The following AFF3 variants were observed in gnomAD, a reference collection of about 807,000 sequenced individuals.
AFF3 encodes the protein AF4/FMR2 family member 3.
A neutral mutation model predicts 129.7 loss-of-function variants in AFF3; 32 were observed. That is an observed-to-expected ratio of 0.25 (90% CI 0.19 to 0.33). The LOEUF (loss-of-function observed/expected upper bound fraction) is 0.33, where lower values mean the gene tolerates loss of function less well. Among genes scored for constraint, AFF3 ranks in the 10% least tolerant of loss-of-function variants. The pLI is 1.00. For synonymous variants in AFF3, 644 were observed against 635.4 expected (o/e 1.01, Z -0.20); for missense variants, 1,373 against 1,592.0 (o/e 0.86, Z 2.34).
chr2:100,008,834 G>A lies in AFF3; in HGVS notation c.152C>T (p.Ser51Phe). 6.2e-7 allele frequency: 1 copy of A among 1,614,046 alleles called. No homozygotes were observed. Among genetic ancestry groups the A allele is most frequent in the Non-Finnish European group, 8.5e-7 (1 of 1,179,952 alleles). The change falls in exon 5 of 25, where the codon TCT becomes TTT. Residue 51 changes from serine to phenylalanine, a missense_variant. By Grantham distance (155) the Ser-to-Phe change is radical. Around this residue, in one of 9 missense-constraint regions of AFF3, gnomAD observed 255 missense variants for 256.0 expected, o/e 1.00. Transcript: ENST00000672756. ...TACCTTGTAGGGCTCACTGAAGAGA[G>A]AGTAACTAGAATTAAACGTGCCATC... is the stretch of plus-strand genomic sequence containing the variant. Reference protein sequence around the residue: ...QDDGTFNSSYSLFSEPYKTNK... With the variant: ...QDDGTFNSSYFLFSEPYKTNK...
intron 14 of AFF3, among the ~76,000 whole-genome samples, chr2:99,599,190 T>C (rs575031227): frequency 6.6e-6 from 1 of 152,358 alleles, no homozygotes; most frequent in South Asian, 2.1e-4. Flanking sequence ...TTCAAGTCTT[T>C]GTAATTATCT....
rs1382648459 is a variant in AFF3 at position 99,936,096 on chromosome 2, C to G, written c.873+70536G>C. ...TATTCTAAAATCAGAAGAGGAAGAT[C>G]ACCCATACTAACTGGCTAATCTAAC... On this transcript the variant is annotated intron_variant, in intron 7 of 24. Transcript: ENST00000672756. Among the ~76,000 whole-genome samples, 4 of 152,128 alleles carry G rather than the reference C, an allele frequency of 2.6e-5. No individual in the cohort carries two copies. In the East Asian group the frequency reaches 7.7e-4, roughly 29 times the overall value.
At chr2:99,568,041 C>T (rs967707250) in intron 19 of AFF3, among the ~76,000 whole-genome samples, 3 of 152,110 alleles carry the variant, frequency 2.0e-5, no homozygotes, top group South Asian at 2.1e-4. Flanking sequence ...GTGGTCTTCA[C>T]GTAAATAAGT....
At chr2:99,756,493 G>A (rs1391249743) in intron 8 of AFF3, among the ~76,000 whole-genome samples, 1 of 152,172 alleles carries the variant, frequency 6.6e-6, no homozygotes, top group Non-Finnish European at 1.5e-5. Context: ...CCTTCCTTCT[G>A]GTCTGACTGG....
intron 7 of AFF3, among the ~76,000 whole-genome samples, chr2:99,857,613 A>C (rs1322935293): frequency 1.3e-5 from 2 of 152,194 alleles, no homozygotes; most frequent in Non-Finnish European, 2.9e-5. Context: ...GTAACATTGG[A>C]GCTCATACAC....
rs199603572 is a variant in AFF3 at position 99,547,146 on chromosome 2, T to TG, written c.*4327dup. On this transcript the variant is annotated 3_prime_UTR_variant, in exon 25 of 25. Transcript: ENST00000672756. ...AAGATTGCTTTTCGAGATTATAAAC[T>TG]GGGAGCCAGAACAACTGACTTGAAC... 5.4e-3 allele frequency: 1,192 copies of TG among 218,870 alleles called. 43 individuals carry two copies. In the East Asian group the frequency reaches 0.077, roughly 14 times the overall value. The allele number at this position is 218,870 out of a possible 1,614,324, so 13.6% of individuals were successfully genotyped here. A position where few individuals can be genotyped will look rare whatever the true frequency, so the allele number is the denominator to read the frequency against.
intron 7 of AFF3, among the ~76,000 whole-genome samples, chr2:99,881,474 T>C (rs1287041021): frequency 6.6e-6 from 1 of 152,194 alleles, no homozygotes; most frequent in African/African-American, 2.4e-5. Flanking sequence ...GTTTCATTTT[T>C]TCATTGAAAA....
At chr2:99,611,720 C>G (rs1680944082) in intron 13 of AFF3, among the ~76,000 whole-genome samples, 1 of 152,056 alleles carries the variant, frequency 6.6e-6, no homozygotes, top group African/African-American at 2.4e-5. Context: ...AACCCCATCT[C>G]TACTAAAAAT....
At chr2:99,804,246 C>T (rs1686172897) in intron 8 of AFF3, among the ~76,000 whole-genome samples, 1 of 151,892 alleles carries the variant, frequency 6.6e-6, no homozygotes, top group Non-Finnish European at 1.5e-5. Context: ...GCAAGAAAAA[C>T]CAAATAATCC....
intron 4 of AFF3, among the ~76,000 whole-genome samples, chr2:100,051,923 T>C (rs1686369195): frequency 2.0e-5 from 3 of 152,206 alleles, no homozygotes. Context: ...ACCTAAGTAA[T>C]GGACCCTTAA....
At chr2:100,029,077 T>C (rs1035139586) in intron 4 of AFF3, among the ~76,000 whole-genome samples, 2 of 152,194 alleles carry the variant, frequency 1.3e-5, no homozygotes, top group African/African-American at 4.8e-5. Context: ...TGGAATATTA[T>C]TCAACCTTAA....
Position 100,058,332 on chromosome 2 carries a change from C to T in AFF3, c.53+46070G>A, listed in dbSNP as rs1035534411. Reference sequence around the variant, plus strand: ...AAGCTCTTTCAGACATACCATGCTACGTGTATTTTTTTACTGAAGGTGCTC... The same window carrying T: ...AAGCTCTTTCAGACATACCATGCTATGTGTATTTTTTTACTGAAGGTGCTC... On this transcript the variant is annotated intron_variant, in intron 4 of 24. Coordinates refer to ENST00000672756, the MANE Select transcript of AFF3 (RefSeq NM_001386135.1). Among the ~76,000 whole-genome samples the T allele has an allele frequency of 5.9e-5, 9 of 152,088 alleles. 1 individual carries two copies. Among genetic ancestry groups the T allele is most frequent in the South Asian group, 2.1e-4 (1 of 4,820 alleles).
intron 13 of AFF3, among the ~76,000 whole-genome samples, chr2:99,627,345 T>C (rs1484855681): frequency 1.3e-5 from 2 of 152,232 alleles, no homozygotes; most frequent in Admixed American, 1.3e-4. Context: ...GAGCTTTTTT[T>C]CATATGCTTG....
intron 8 of AFF3, among the ~76,000 whole-genome samples, chr2:99,784,677 ATT>A (rs1432743870): frequency 6.6e-6 from 1 of 152,222 alleles, no homozygotes; most frequent in African/African-American, 2.4e-5. Flanking sequence ...TCTATCAGGC[ATT>A]TCGCTGCAAG....
At chr2:100,009,118 G>C (rs553514597) in intron 4 of AFF3, among the ~76,000 whole-genome samples, 186 bp from the exon 5 acceptor site, 53 of 152,240 alleles carry the variant, frequency 3.5e-4, no homozygotes, top group Admixed American at 8.5e-4. Context: ...ACATTCTTTG[G>C]GGGGAAAAGA....
chr2:99,897,441 C>T (rs1308083402), intron 7 of AFF3, among the ~76,000 whole-genome samples: 1 of 152,196 alleles, frequency 6.6e-6, no homozygotes, highest in African/African-American at 2.4e-5. Flanking sequence ...CAGGCCCCCT[C>T]AGACTTACTC....
chr2:99,620,294 G>T (rs906607404), intron 13 of AFF3, among the ~76,000 whole-genome samples: 1 of 152,118 alleles, frequency 6.6e-6, no homozygotes, highest in Non-Finnish European at 1.5e-5. Flanking sequence ...TCTGTGGTCC[G>T]TCACTTCTAA....
intron 8 of AFF3, among the ~76,000 whole-genome samples, chr2:99,817,029 C>T (rs754487501): frequency 1.3e-5 from 2 of 152,156 alleles, no homozygotes; most frequent in African/African-American, 2.4e-5. Context: ...CTAGAGGGAT[C>T]CACCAGTGCC....
rs556356579 is a variant in AFF3, at chr2:99,629,246, T to C, written c.1184+20380A>G. On this transcript the variant is annotated intron_variant, in intron 13 of 24. Coordinates refer to ENST00000672756, the MANE Select transcript of AFF3 (RefSeq NM_001386135.1). ...CTTTTGATCAGTTTTGACCCAGTAC[T>C]GCTCTCACTAGGTTAATCAGCCATT... Among the ~76,000 whole-genome samples the C allele has an allele frequency of 5.9e-5, 9 of 152,322 alleles. No homozygotes were observed. The South Asian group carries it at 8.3e-4, about 14-fold the overall frequency.
Sources: gnomAD v4.1 joint callset for allele counts (sites outside exome capture counted in the v4.1 genomes callset) on GRCh38, gnomAD v4.1.1 for gene constraint, gnomAD v4.1.1 regional missense constraint, MANE v1.5 for transcripts, NCBI Gene and HGNC (gene_info 2026-07-23, HGNC 2026-07-21) for gene names.